Variants in TGFBR3 observed in about 807,000 individuals in gnomAD.
The protein encoded by TGFBR3 is transforming growth factor beta receptor type 3.
In TGFBR3, 46 loss-of-function variants were observed where a neutral mutation model predicts 87.9. That is an observed-to-expected ratio of 0.52 (90% CI 0.41 to 0.67). The LOEUF (loss-of-function observed/expected upper bound fraction) is 0.67, where lower values mean the gene tolerates loss of function less well. TGFBR3 is among the 30% of genes least tolerant of loss of function. The pLI, the probability that TGFBR3 is intolerant of heterozygous loss-of-function variation, is 0.00. For missense variants in TGFBR3, 866 were observed against 1,041.9 expected (o/e 0.83, Z 2.32); for synonymous variants, 381 against 391.6 (o/e 0.97, Z 0.32).
At chr1:91,772,473 T>C (rs1674417666) in intron 3 of TGFBR3, among the ~76,000 whole-genome samples, 1 of 152,170 alleles carries the variant, frequency 6.6e-6, no homozygotes, top group Non-Finnish European at 1.5e-5. Context: ...GTTCCTTGGC[T>C]TTGTCCCCAG....
intron 1 of TGFBR3, among the ~76,000 whole-genome samples, chr1:91,903,961 C>T (rs1030273678): frequency 2.6e-5 from 4 of 152,060 alleles, no homozygotes; most frequent in African/African-American, 9.7e-5. Context: ...ACTGCCTGAG[C>T]TCAGGAGTTC....
chr1:91,797,501 T>A (rs1675437591), intron 2 of TGFBR3, 30 bp from the exon 3 acceptor site: 3 of 1,613,906 alleles, frequency 1.9e-6, no homozygotes, highest in Non-Finnish European at 1.7e-6. Flanking sequence ...CACAAGCCAC[T>A]CAGAAACAGC....
In TGFBR3 at chr1:91,792,329, G is replaced by A. The variant is rs553345898; in HGVS notation, c.246+4958C>T. Among the ~76,000 whole-genome samples the A allele has an allele frequency of 3.9e-5, 6 of 152,238 alleles. No homozygotes were observed. In the South Asian group the frequency reaches 1.0e-3, roughly 26 times the overall value. On this transcript the variant is annotated intron_variant, in intron 3 of 16. Coordinates refer to ENST00000212355, the MANE Select transcript of TGFBR3 (RefSeq NM_003243.5). Reference sequence around the variant, plus strand: ...CTCATAGGGTTATGAGCTTTTTGACGGGTGAAGTTATTAAACCTGGCCCCT... The same window carrying A: ...CTCATAGGGTTATGAGCTTTTTGACAGGTGAAGTTATTAAACCTGGCCCCT...
chr1:91,779,377 C>G (rs1330636151), intron 3 of TGFBR3, among the ~76,000 whole-genome samples: 1 of 152,122 alleles, frequency 6.6e-6, no homozygotes, highest in East Asian at 1.9e-4. Flanking sequence ...GAAAATGAAG[C>G]ATAAAGAAGT....
chr1:91,698,064 T>C (rs757272809), intron 15 of TGFBR3, 25 bp downstream of exon 15: 1 of 1,612,292 alleles, frequency 6.2e-7, no homozygotes, highest in South Asian at 1.1e-5. Flanking sequence ...AGGTTTTATT[T>C]CGAAATAGTT....
chr1:91,806,354 T>G (rs1675826671), intron 2 of TGFBR3, among the ~76,000 whole-genome samples: 1 of 151,986 alleles, frequency 6.6e-6, no homozygotes, highest in Admixed American at 6.6e-5. Flanking sequence ...GCTCCAAAAC[T>G]CGACAGAACG....
intron 8 of TGFBR3, 88 bp from the exon 9 acceptor site, chr1:91,720,318 T>A: frequency 7.9e-7 from 1 of 1,273,428 alleles, no homozygotes; most frequent in South Asian, 1.3e-5. Flanking sequence ...GGAATTAGCA[T>A]AGAATGGGCA....
At position 91,742,192 on chromosome 1, in the gene TGFBR3, C is replaced by T. The variant is rs140785744; in HGVS notation, c.385-7233G>A. Among the ~76,000 whole-genome samples, 21 of 152,302 alleles carry T rather than the reference C, an allele frequency of 1.4e-4. No homozygotes were observed. In the East Asian group the frequency reaches 3.9e-3, roughly 28 times the overall value. ...CCTACTCTCCTCACAATGAGCTGCA[C>T]ACAAGTGACTGTACAGACCTTTAGT... On this transcript the variant is annotated intron_variant, in intron 4 of 16. Transcript: ENST00000212355.
intron 14 of TGFBR3, among the ~76,000 whole-genome samples, chr1:91,699,431 C>CTT (rs60223260): frequency 0.12 from 9,490 of 80,780 alleles, 1,006 homozygotes; most frequent in South Asian, 0.26. Context: ...CTTTCTTTTG[C>CTT]TTTTTTTTTT....
At chr1:91,837,735 G>A (rs1677113870) in intron 2 of TGFBR3, among the ~76,000 whole-genome samples, 1 of 152,084 alleles carries the variant, frequency 6.6e-6, no homozygotes, top group African/African-American at 2.4e-5. Context: ...TACATAAATT[G>A]ACAAAAATTT....
intron 4 of TGFBR3, among the ~76,000 whole-genome samples, chr1:91,755,320 C>G (rs1185881631): frequency 6.6e-6 from 1 of 152,128 alleles, no homozygotes; most frequent in Non-Finnish European, 1.5e-5. Flanking sequence ...AGGGAAAAGC[C>G]TGCCCAAGGA....
intron 2 of TGFBR3, among the ~76,000 whole-genome samples, chr1:91,812,860 C>T (rs1168271503): frequency 6.6e-6 from 1 of 152,148 alleles, no homozygotes; most frequent in African/African-American, 2.4e-5. Context: ...GTGATTTGTC[C>T]ATCTCTGCTT....
chr1:91,693,303 A>C (rs980170895), intron 16 of TGFBR3, among the ~76,000 whole-genome samples: 7 of 152,216 alleles, frequency 4.6e-5, no homozygotes, highest in African/African-American at 1.7e-4. Context: ...TAAACCTTTT[A>C]CCTTCTGAAT....
chr1:91,722,189 A>T (rs1172862832), intron 7 of TGFBR3, 45 bp from the exon 8 acceptor site: 7 of 1,444,096 alleles, frequency 4.8e-6, no homozygotes, highest in Non-Finnish European at 6.8e-6. Context: ...AAAATTAAAC[A>T]GTACTTTAGA....
At chr1:91,693,216 A>G (rs779804595) in intron 16 of TGFBR3, among the ~76,000 whole-genome samples, 46 of 152,252 alleles carry the variant, frequency 3.0e-4, no homozygotes, top group South Asian at 8.3e-4. Context: ...CAGAGGCTAC[A>G]GTTTTTAATA....
intron 15 of TGFBR3, 22 bp downstream of exon 15, chr1:91,698,067 A>C (rs756493040): frequency 6.2e-7 from 1 of 1,612,882 alleles, no homozygotes; most frequent in East Asian, 2.2e-5. Flanking sequence ...TTTTATTTCG[A>C]AATAGTTGCA....
At chr1:91,780,505 A>G (rs963038970) in intron 3 of TGFBR3, among the ~76,000 whole-genome samples, 2 of 148,592 alleles carry the variant, frequency 1.3e-5, no homozygotes, top group Non-Finnish European at 3.0e-5. Flanking sequence ...GTACCATGAA[A>G]ACTATTCCTA....
chr1:91,753,390 C>CAAAAAAAAAAAA (rs71586711), intron 4 of TGFBR3, among the ~76,000 whole-genome samples: 1 of 52,354 alleles, frequency 1.9e-5, no homozygotes, highest in Non-Finnish European at 3.1e-5. Flanking sequence ...ACTCTGTCCT[C>CAAAAAAAAAAAA]AAAAAAAAAA....
intron 2 of TGFBR3, among the ~76,000 whole-genome samples, chr1:91,846,664 A>G (rs1485213647): frequency 3.9e-5 from 6 of 151,938 alleles, no homozygotes; most frequent in African/African-American, 1.4e-4. Context: ...CCATCCTGTC[A>G]CCCCCGAAAA....
Sources: gnomAD v4.1 joint callset for allele counts (sites outside exome capture counted in the v4.1 genomes callset) on GRCh38, gnomAD v4.1.1 for gene constraint, MANE v1.5 for transcripts, NCBI Gene and HGNC (gene_info 2026-07-23, HGNC 2026-07-21) for gene names.